The following CHST8 variants were observed in gnomAD, a reference collection of about 807,000 sequenced individuals.
CHST8 encodes carbohydrate sulfotransferase 8.
Under a neutral mutation model 15.0 loss-of-function variants are expected in CHST8, and 10 were observed. The ratio of observed to expected loss-of-function variants is 0.67; its 90% confidence interval spans 0.41 to 1.13. The LOEUF is 1.13. CHST8 is among the 50% of genes most tolerant of loss of function. The probability of loss-of-function intolerance (pLI) is 0.00; values close to 1 mark genes in which losing one functional copy is unlikely to be tolerated. For synonymous variants in CHST8, 259 were observed against 256.6 expected (o/e 1.01, Z -0.09); for missense variants, 634 against 608.2 (o/e 1.04, Z -0.45).
intron 3 of CHST8, among the ~76,000 whole-genome samples, chr19:33,690,364 C>G (rs925847505): frequency 6.6e-6 from 1 of 151,998 alleles, no homozygotes; most frequent in Admixed American, 6.5e-5. Flanking sequence ...CTGCGTAAAT[C>G]CCTGCCGGAA....
chr19:33,654,268 T>G (rs1453562821), intron 1 of CHST8, among the ~76,000 whole-genome samples: 1 of 152,212 alleles, frequency 6.6e-6, no homozygotes, highest in Non-Finnish European at 1.5e-5. Context: ...TTTTATAATT[T>G]AAAATATAAA....
At position 33,689,268 on chromosome 19, in the gene CHST8, C is replaced by A; in HGVS notation, c.7C>A (p.Leu3Met). The A allele has an allele frequency of 6.3e-7, 1 of 1,592,886 alleles. No individual in the cohort carries two copies. Among genetic ancestry groups the A allele is most frequent in the Non-Finnish European group, 8.5e-7 (1 of 1,170,230 alleles). The change falls in exon 3 of 5, where the codon CTG becomes ATG. Residue 3 changes from leucine to methionine, a missense_variant. Leu to Met is a conservative substitution (Grantham distance 15, BLOSUM62 2). Coordinates refer to ENST00000650847, the MANE Select transcript of CHST8 (RefSeq NM_001127895.2). ...ACCCCTGAGCCAGCCCCGGATGACC[C>A]TGCGACCTGGAACAATGCGGCTGGC... MT[L>M]RPGTMRLACM... is the part of the protein sequence containing the mutation.
rs1256111996 is a variant in CHST8 at position 33,746,260 on chromosome 19, C to G, written c.131-25153C>G. On this transcript the variant is annotated intron_variant, in intron 3 of 4. Transcript: ENST00000650847. ...TAATTTATAAACAAGAAAACACATG[C>G]ATTGTTTATCAAATGTATTCCATCA... 2.0e-5 allele frequency among the ~76,000 whole-genome samples: 3 copies of G among 152,274 alleles called. No homozygotes were observed. The East Asian group carries it at 5.8e-4, about 29-fold the overall frequency.
At chr19:33,714,852 C>G (rs1356542556) in intron 3 of CHST8, among the ~76,000 whole-genome samples, 1 of 152,182 alleles carries the variant, frequency 6.6e-6, no homozygotes, top group Admixed American at 6.5e-5. Flanking sequence ...GTGAGGCCTC[C>G]CCAGCCACAT....
At chr19:33,650,275 C>G (rs1213695694) in intron 1 of CHST8, among the ~76,000 whole-genome samples, 1 of 151,934 alleles carries the variant, frequency 6.6e-6, no homozygotes, top group Non-Finnish European at 1.5e-5. Context: ...TTCCTCTTGG[C>G]CAAGAGGGGG....
intron 3 of CHST8, among the ~76,000 whole-genome samples, chr19:33,762,864 C>CTTTTT (rs967177736): frequency 2.1e-4 from 25 of 116,428 alleles, no homozygotes; most frequent in Admixed American, 9.2e-4. Context: ...AGTTTTCTCT[C>CTTTTT]TTTTTTTTTT....
intron 1 of CHST8, among the ~76,000 whole-genome samples, chr19:33,652,672 G>A (rs1026672770): frequency 1.3e-5 from 2 of 151,886 alleles, no homozygotes; most frequent in African/African-American, 4.8e-5. Context: ...CACTGAGCCC[G>A]GACTATATTT....
chr19:33,657,991 C>T (rs1297395377), intron 1 of CHST8, among the ~76,000 whole-genome samples: 2 of 152,184 alleles, frequency 1.3e-5, no homozygotes, highest in African/African-American at 2.4e-5. Flanking sequence ...CTCTTGTCTT[C>T]CTTATTGTTA....
chr19:33,689,514 C>T (rs990075383), intron 3 of CHST8, 123 bp downstream of exon 3: 18 of 1,179,230 alleles, frequency 1.5e-5, no homozygotes, highest in South Asian at 5.5e-5. Flanking sequence ...CCAAGACCCC[C>T]GGCAGGCAGA....
intron 1 of CHST8, among the ~76,000 whole-genome samples, chr19:33,663,008 TC>T (rs1418161273): frequency 2.6e-5 from 4 of 152,134 alleles, no homozygotes; most frequent in Non-Finnish European, 5.9e-5. Context: ...CAGGAAAGGC[TC>T]AGGGTCACAC....
intron 3 of CHST8, among the ~76,000 whole-genome samples, chr19:33,708,137 A>G (rs142737009): frequency 1.7e-3 from 266 of 152,296 alleles, no homozygotes; most frequent in African/African-American, 5.9e-3. Flanking sequence ...TATTTTCTAG[A>G]TATAAGTATT....
chr19:33,680,169 G>A (rs1375461421), intron 2 of CHST8, among the ~76,000 whole-genome samples: 2 of 152,150 alleles, frequency 1.3e-5, no homozygotes, highest in African/African-American at 4.8e-5. Flanking sequence ...TGGCAAATAG[G>A]GATAATGATT....
chr19:33,639,144 A>G (rs1972245115), intron 1 of CHST8, among the ~76,000 whole-genome samples: 1 of 150,962 alleles, frequency 6.6e-6, no homozygotes, highest in African/African-American at 2.4e-5. Context: ...TTCATCAGCT[A>G]TTTTTGGCTG....
rs559145086 is a variant in CHST8, at chr19:33,762,537, A to T, written c.131-8876A>T. ...GCCGTCAGGCGCTCATCGGCCAGAG[A>T]CAGGAAGATGCAGGCTCCGCTCCTC... On this transcript the variant is annotated intron_variant, in intron 3 of 4. Transcript: ENST00000650847. Among the ~76,000 whole-genome samples, 8 of 152,358 alleles carry T rather than the reference A, an allele frequency of 5.3e-5. 1 individual carries two copies. The East Asian group carries it at 9.7e-4, about 18-fold the overall frequency.
chr19:33,681,831 C>G (rs1277473161), intron 2 of CHST8, among the ~76,000 whole-genome samples: 2 of 151,742 alleles, frequency 1.3e-5, no homozygotes, highest in African/African-American at 4.8e-5. Flanking sequence ...CATCCAGATG[C>G]CTTGTTCAAG....
Position 33,772,467 on chromosome 19 carries a change from G to A in CHST8, c.679G>A (p.Val227Ile), listed in dbSNP as rs1975014346. Residue 227 changes from valine (V) to isoleucine (I), a missense_variant, in exon 5 of 5, where the codon GTC becomes ATC. Val to Ile is a conservative substitution (Grantham distance 29). Coordinates refer to ENST00000650847, the MANE Select transcript of CHST8 (RefSeq NM_001127895.2). ...CACTGCCGACATCCAGCACAACACC[G>A]TCCACTATGGCAGCGCTCTCAAGCG... ...SSTADIQHNT[V>I]HYGSALKRLD... The A allele has an allele frequency of 2.5e-6, 4 of 1,613,230 alleles. No homozygotes were observed. Among genetic ancestry groups the A allele is most frequent in the Non-Finnish European group, 3.4e-6 (4 of 1,180,012 alleles).
At chr19:33,654,401 A>G (rs550516438) in intron 1 of CHST8, among the ~76,000 whole-genome samples, 13 of 152,206 alleles carry the variant, frequency 8.5e-5, no homozygotes, top group African/African-American at 2.9e-4. Flanking sequence ...TTGGTAGATT[A>G]TAATTTCTGT....
At chr19:33,771,352 G>C (rs1568365180) in intron 3 of CHST8, 61 bp from the exon 4 acceptor site, 6 of 1,552,750 alleles carry the variant, frequency 3.9e-6, no homozygotes, top group Non-Finnish European at 5.3e-6. Flanking sequence ...CCCATAAGCA[G>C]TTCCCTGGGA....
chr19:33,761,232 G>A (rs1337436814), intron 3 of CHST8, among the ~76,000 whole-genome samples: 1 of 152,222 alleles, frequency 6.6e-6, no homozygotes, highest in Non-Finnish European at 1.5e-5. Flanking sequence ...GCCAGGCACG[G>A]TGGCTTATGC....
Sources: gnomAD v4.1 joint callset for allele counts (sites outside exome capture counted in the v4.1 genomes callset) on GRCh38, gnomAD v4.1.1 for gene constraint, MANE v1.5 for transcripts, NCBI Gene and HGNC (gene_info 2026-07-23, HGNC 2026-07-21) for gene names.